The following FRAS1 variants were observed in gnomAD, a reference collection of about 807,000 sequenced individuals.
The protein encoded by FRAS1 is extracellular matrix organizing protein FRAS1.
FRAS1 carries 290 observed loss-of-function variants against 435.2 expected under a neutral mutation model. The observed-to-expected ratio is 0.67, with a 90% CI of 0.61 to 0.73. The LOEUF (loss-of-function observed/expected upper bound fraction) is 0.73, where lower values mean the gene tolerates loss of function less well. Among genes scored for constraint, FRAS1 ranks in the 30% least tolerant of loss-of-function variants. The probability of loss-of-function intolerance (pLI) is 0.00; values close to 1 mark genes in which losing one functional copy is unlikely to be tolerated. For synonymous variants in FRAS1, 1,800 were observed against 1,851.0 expected, an observed-to-expected ratio of 0.97 and a Z score of 0.71; for missense variants, 4,860 against 5,001.5, an observed-to-expected ratio of 0.97 and a Z score of 0.85.
intron 73 of FRAS1, among the ~76,000 whole-genome samples, chr4:78,539,715 G>A (rs1401197524): frequency 6.6e-6 from 1 of 152,098 alleles, no homozygotes; most frequent in Admixed American, 6.5e-5. Context: ...TTTTTCCTAA[G>A]TTCTTTTATA....
chr4:78,287,027 AT>A (rs1484790017), intron 14 of FRAS1, among the ~76,000 whole-genome samples: 2 of 152,158 alleles, frequency 1.3e-5, no homozygotes, highest in African/African-American at 4.8e-5. Flanking sequence ...AGACTGGATA[AT>A]TTATGAAGAA....
At chr4:78,388,497 G>A (rs551682550) in intron 29 of FRAS1, among the ~76,000 whole-genome samples, 2 of 151,904 alleles carry the variant, frequency 1.3e-5, no homozygotes, top group South Asian at 4.2e-4. Context: ...TAGGGAGTAG[G>A]AGCCAATAAA....
intron 47 of FRAS1, among the ~76,000 whole-genome samples, chr4:78,459,027 C>T (rs2109841923): frequency 6.6e-6 from 1 of 152,274 alleles, no homozygotes; most frequent in South Asian, 2.1e-4. Context: ...ATTAGAATCA[C>T]CTGAGTGATT....
intron 2 of FRAS1, among the ~76,000 whole-genome samples, chr4:78,190,348 A>T (rs991589639): frequency 6.6e-6 from 1 of 151,844 alleles, no homozygotes; most frequent in African/African-American, 2.4e-5. Context: ...CCTTCTTCAG[A>T]TCTCATTGTA....
chr4:78,314,270 C>T (rs1729148315), intron 15 of FRAS1, among the ~76,000 whole-genome samples: 1 of 152,142 alleles, frequency 6.6e-6, no homozygotes, highest in East Asian at 1.9e-4. Context: ...TTACATTACT[C>T]CCTGGATTGT....
chr4:78,435,663 A>T (rs1291199928), intron 38 of FRAS1, among the ~76,000 whole-genome samples: 1 of 152,104 alleles, frequency 6.6e-6, no homozygotes, highest in African/African-American at 2.4e-5. Flanking sequence ...GCTTGAACCC[A>T]AAAGGTGGAA....
At chr4:78,320,951 A>G (rs1197497674) in intron 18 of FRAS1, among the ~76,000 whole-genome samples, 1 of 152,214 alleles carries the variant, frequency 6.6e-6, no homozygotes, top group African/African-American at 2.4e-5. Context: ...CCATTGGTAC[A>G]GTGCTCCCAT....
At chr4:78,301,363 T>G in intron 14 of FRAS1, among the ~76,000 whole-genome samples, 1 of 145,096 alleles carries the variant, frequency 6.9e-6, no homozygotes, top group Non-Finnish European at 1.5e-5. Flanking sequence ...AAGTGAAGAG[T>G]GAGCTTGAAG....
chr4:78,354,241 A>G (rs1195708536), intron 20 of FRAS1, among the ~76,000 whole-genome samples: 1 of 152,176 alleles, frequency 6.6e-6, no homozygotes, highest in Non-Finnish European at 1.5e-5. Flanking sequence ...ACTGGGTAGA[A>G]ATCACTGCCC....
intron 9 of FRAS1, among the ~76,000 whole-genome samples, chr4:78,277,188 A>G (rs1041544737): frequency 6.6e-6 from 1 of 152,112 alleles, no homozygotes; most frequent in African/African-American, 2.4e-5. Context: ...GGTGGGAGTA[A>G]CCCAATTTTC....
At chr4:78,110,375 A>G (rs1429006465) in intron 2 of FRAS1, among the ~76,000 whole-genome samples, 1 of 127,224 alleles carries the variant, frequency 7.9e-6, no homozygotes, top group Non-Finnish European at 1.6e-5. Flanking sequence ...AGTAACCAAA[A>G]CAGCATGGTA....
chr4:78,220,109 A>ATCT (rs1462710972), intron 2 of FRAS1, among the ~76,000 whole-genome samples: 4 of 152,192 alleles, frequency 2.6e-5, no homozygotes, highest in Non-Finnish European at 2.9e-5. Context: ...TCATCTCCAA[A>ATCT]TTGACCAGAA....
intron 29 of FRAS1, among the ~76,000 whole-genome samples, chr4:78,396,092 C>T (rs920708761): frequency 6.6e-6 from 1 of 152,052 alleles, no homozygotes; most frequent in South Asian, 2.1e-4. Flanking sequence ...TTTAAGATGA[C>T]TAACTTATCT....
At chr4:78,247,341 C>T (rs1381067504) in intron 4 of FRAS1, among the ~76,000 whole-genome samples, 1 of 152,064 alleles carries the variant, frequency 6.6e-6, no homozygotes, top group African/African-American at 2.4e-5. Flanking sequence ...TGTTATATTT[C>T]TGGTATTTGA....
chr4:78,507,747 T>C (rs1720889074), intron 62 of FRAS1, 139 bp downstream of exon 62: 5 of 778,460 alleles, frequency 6.4e-6, no homozygotes, highest in Non-Finnish European at 7.7e-6. Context: ...CATCATCCCC[T>C]TTCCAGAGGA....
intron 29 of FRAS1, among the ~76,000 whole-genome samples, chr4:78,389,299 A>G (rs1732352723): frequency 6.6e-6 from 1 of 152,260 alleles, no homozygotes; most frequent in South Asian, 2.1e-4. Flanking sequence ...GGTGTCATTA[A>G]TGACTAGCTA....
At chr4:78,275,906 G>A (rs1726995036) in intron 9 of FRAS1, among the ~76,000 whole-genome samples, 1 of 152,212 alleles carries the variant, frequency 6.6e-6, no homozygotes, top group Non-Finnish European at 1.5e-5. Context: ...ATACTGCAGA[G>A]TGTTTTCCAA....
intron 48 of FRAS1, 28 bp downstream of exon 48, chr4:78,464,173 G>A: frequency 1.3e-6 from 2 of 1,591,286 alleles, no homozygotes; most frequent in Non-Finnish European, 1.7e-6. Flanking sequence ...CTCCATCCTT[G>A]AAAAGTATTG....
intron 14 of FRAS1, among the ~76,000 whole-genome samples, chr4:78,305,346 G>A (rs906482710): frequency 6.6e-6 from 1 of 151,476 alleles, no homozygotes; most frequent in East Asian, 1.9e-4. Context: ...CTGTTGATTT[G>A]GGGTGGAGAG....
Sources: allele counts gnomAD v4.1 joint callset (sites outside exome capture counted in the v4.1 genomes callset), GRCh38; gene constraint gnomAD v4.1.1; transcripts MANE v1.5; gene names NCBI Gene and HGNC (gene_info 2026-07-23, HGNC 2026-07-21).